Variants in PSD3 observed in about 807,000 individuals in gnomAD.
PSD3 encodes pleckstrin and Sec7 domain containing 3.
In PSD3, 49 loss-of-function variants were observed where a neutral mutation model predicts 105.5. The ratio of observed to expected loss-of-function variants is 0.46; its 90% confidence interval spans 0.37 to 0.59. PSD3 has a LOEUF of 0.59. Among genes scored for constraint, PSD3 ranks in the 20% least tolerant of loss-of-function variants. PSD3 has a pLI of 0.00. For missense variants in PSD3, 1,561 were observed against 1,263.8 expected, an observed-to-expected ratio of 1.24 and a Z score of -3.57; for synonymous variants, 557 against 457.8, an observed-to-expected ratio of 1.22 and a Z score of -2.77.
At chr8:19,022,915 T>C (rs966131261) in intron 1 of PSD3, among the ~76,000 whole-genome samples, 22 of 151,988 alleles carry the variant, frequency 1.4e-4, no homozygotes, top group African/African-American at 5.3e-4. Flanking sequence ...CAAATCCACT[T>C]GGACGTACTT....
chr8:18,577,600 T>TA (rs1802540528), intron 12 of PSD3, among the ~76,000 whole-genome samples: 1 of 71,836 alleles, frequency 1.4e-5, no homozygotes, highest in Non-Finnish European at 2.9e-5. Flanking sequence ...ACTTATTACT[T>TA]AAAATGTTCT....
chr8:18,785,869 C>T lies in PSD3; in HGVS notation c.2082+13426G>A, dbSNP rs1002302827. Reference sequence around the variant, plus strand: ...AGATGGGGGAATGGCCAGCCTTTGGCGCAGTCAAAACATATATATTTATCA... The same window carrying T: ...AGATGGGGGAATGGCCAGCCTTTGGTGCAGTCAAAACATATATATTTATCA... On this transcript the variant is annotated intron_variant, in intron 8 of 15. Coordinates refer to ENST00000327040, the MANE Select transcript of PSD3 (RefSeq NM_015310.4). Among the ~76,000 whole-genome samples, 6 of 152,190 alleles carry T rather than the reference C, an allele frequency of 3.9e-5. No homozygotes were observed. In the South Asian group the frequency reaches 6.2e-4, roughly 16 times the overall value.
At chr8:18,690,763 C>T (rs918324719) in intron 9 of PSD3, among the ~76,000 whole-genome samples, 1 of 152,368 alleles carries the variant, frequency 6.6e-6, no homozygotes, top group Middle Eastern at 3.4e-3. Flanking sequence ...TCCTCGCTGT[C>T]TGGTCCGTCA....
intron 9 of PSD3, chr8:18,734,083 T>C (rs907388110): frequency 6.6e-6 from 1 of 152,174 alleles, no homozygotes; most frequent in South Asian, 2.1e-4. Context: ...ATTTCAGTGA[T>C]TGTTACTTAT....
intron 1 of PSD3, among the ~76,000 whole-genome samples, chr8:19,076,073 A>C (rs921582853): frequency 8.7e-5 from 13 of 148,580 alleles, no homozygotes; most frequent in Non-Finnish European, 3.0e-5. Flanking sequence ...AAACAGTATA[A>C]AAAGATAGGT....
chr8:18,671,914 A>G (rs967061389), intron 9 of PSD3, among the ~76,000 whole-genome samples: 3 of 152,176 alleles, frequency 2.0e-5, no homozygotes, highest in African/African-American at 7.2e-5. Flanking sequence ...TACAGGCGTG[A>G]GCCACTGCGC....
At chr8:18,545,790 G>C (rs2130024758) in intron 15 of PSD3, among the ~76,000 whole-genome samples, 1 of 152,216 alleles carries the variant, frequency 6.6e-6, no homozygotes, top group South Asian at 2.1e-4. Context: ...CACATTCCCA[G>C]AGTTCTCCAT....
At chr8:18,971,513 A>G (rs1824650887) in intron 1 of PSD3, among the ~76,000 whole-genome samples, 2 of 152,204 alleles carry the variant, frequency 1.3e-5, no homozygotes, top group Admixed American at 1.3e-4. Flanking sequence ...GATTGTGCTC[A>G]GATCACAGGC....
At chr8:19,044,313 A>C (rs1171253749) in intron 1 of PSD3, among the ~76,000 whole-genome samples, 2 of 152,290 alleles carry the variant, frequency 1.3e-5, no homozygotes, top group South Asian at 2.1e-4. Flanking sequence ...TACTAATGCC[A>C]GCCTGTACCT....
chr8:18,901,053 A>G (rs538093602), intron 2 of PSD3, among the ~76,000 whole-genome samples: 2 of 152,332 alleles, frequency 1.3e-5, no homozygotes, highest in South Asian at 2.1e-4. Context: ...TCTGGTGTAT[A>G]TAAGTTTTGA....
intron 4 of PSD3, among the ~76,000 whole-genome samples, chr8:18,865,764 C>T (rs867793101): frequency 1.4e-4 from 22 of 152,166 alleles, no homozygotes; most frequent in Admixed American, 7.9e-4. Flanking sequence ...TAGACAAGAT[C>T]TCCTGGTTTG....
At chr8:19,013,434 C>G in intron 1 of PSD3, 129 bp downstream of exon 1, 2 of 1,297,028 alleles carry the variant, frequency 1.5e-6, no homozygotes, top group Admixed American at 2.1e-5. Flanking sequence ...CTGCACCTAT[C>G]CAGACAGCAC....
chr8:18,753,607 A>G (rs1251324042), intron 9 of PSD3, among the ~76,000 whole-genome samples: 1 of 152,210 alleles, frequency 6.6e-6, no homozygotes, highest in Non-Finnish European at 1.5e-5. Flanking sequence ...GTTTTAAATA[A>G]CAGTAAAAAT....
rs1000321602 is a variant in PSD3, at chr8:18,584,495, C to T, written c.2482-9210G>A. Among the ~76,000 whole-genome samples the T allele has an allele frequency of 5.9e-5, 9 of 152,280 alleles. No individual in the cohort carries two copies. In the East Asian group the frequency reaches 9.6e-4, roughly 16 times the overall value. ...CTGAGTAGGTTAATCAACTTTAGAA[C>T]GCCAGCTTTTCAATTTAAAAAATGG... On this transcript the variant is annotated intron_variant, in intron 12 of 15. Coordinates refer to ENST00000327040, the MANE Select transcript of PSD3 (RefSeq NM_015310.4).
chr8:18,893,542 C>T (rs928413445), intron 2 of PSD3, among the ~76,000 whole-genome samples: 5 of 152,020 alleles, frequency 3.3e-5, no homozygotes, highest in Admixed American at 3.3e-4. Context: ...AGTCTAGTTT[C>T]GTCTCAAGTA....
intron 9 of PSD3, among the ~76,000 whole-genome samples, chr8:18,675,429 C>T (rs918989409): frequency 6.6e-6 from 1 of 152,106 alleles, no homozygotes; most frequent in Non-Finnish European, 1.5e-5. Flanking sequence ...ACTTGGCTCA[C>T]CAGATTTGAA....
chr8:18,815,557 C>T (rs1439945338), intron 4 of PSD3, among the ~76,000 whole-genome samples: 3 of 152,130 alleles, frequency 2.0e-5, no homozygotes, highest in South Asian at 2.1e-4. Flanking sequence ...GTGATCTCTC[C>T]ACCTCGGCCT....
At chr8:18,902,606 G>A (rs544111968) in intron 2 of PSD3, among the ~76,000 whole-genome samples, 7 of 152,120 alleles carry the variant, frequency 4.6e-5, no homozygotes, top group Non-Finnish European at 8.8e-5. Context: ...AGATATCTGT[G>A]TGTTGATGTC....
chr8:18,911,807 A>G (rs1453811810), intron 2 of PSD3, among the ~76,000 whole-genome samples: 1 of 152,134 alleles, frequency 6.6e-6, no homozygotes, highest in Non-Finnish European at 1.5e-5. Context: ...CCCACCACAC[A>G]CATCACTAGT....
Sources: gnomAD v4.1 joint callset for allele counts (sites outside exome capture counted in the v4.1 genomes callset) on GRCh38, gnomAD v4.1.1 for gene constraint, MANE v1.5 for transcripts, NCBI Gene and HGNC (gene_info 2026-07-23, HGNC 2026-07-21) for gene names.